The following PAX7 variants were observed in gnomAD, a reference collection of about 807,000 sequenced individuals.
The protein encoded by PAX7 is paired box 7.
Under a neutral mutation model 50.7 loss-of-function variants are expected in PAX7, and 18 were observed. The observed-to-expected ratio is 0.36, with a 90% CI of 0.25 to 0.53. The LOEUF (loss-of-function observed/expected upper bound fraction) is 0.53, where lower values mean the gene tolerates loss of function less well. Among genes scored for constraint, PAX7 ranks in the 20% least tolerant of loss-of-function variants. The pLI is 0.93. For synonymous variants in PAX7, 310 were observed against 290.4 expected, an observed-to-expected ratio of 1.07 and a Z score of -0.69; for missense variants, 644 against 702.9, an observed-to-expected ratio of 0.92 and a Z score of 0.95.
intron 7 of PAX7, among the ~76,000 whole-genome samples, chr1:18,704,580 A>G (rs1470956459): frequency 6.6e-6 from 1 of 152,138 alleles, no homozygotes; most frequent in Non-Finnish European, 1.5e-5. Flanking sequence ...AGATTGCACC[A>G]TTGCACTCCA....
At chr1:18,663,268 C>T (rs1418847380) in intron 4 of PAX7, among the ~76,000 whole-genome samples, 1 of 152,204 alleles carries the variant, frequency 6.6e-6, no homozygotes, top group Non-Finnish European at 1.5e-5. Flanking sequence ...AACTGAGGAG[C>T]CATTGCTGTC....
Position 18,634,369 on chromosome 1 carries a change from T to G in PAX7, c.152T>G (p.Leu51Arg). 6.2e-7 allele frequency: 1 copy of G among 1,614,096 alleles called. No individual in the cohort carries two copies. The highest frequency in any genetic ancestry group is 8.5e-7 in the Non-Finnish European group (1 of 1,180,036). The change falls in exon 2 of 9, where the codon CTG becomes CGG. Residue 51 changes from leucine (L) to arginine (R), a missense_variant. Physicochemically the swap from Leu to Arg is moderately radical, Grantham distance 102. Transcript: ENST00000420770. This position sits in a 1 kb window ranked among gnomAD's most constrained non-coding sequence, Gnocchi z 4.0. ...LGGVFINGRP[L>R]PNHIRHKIVE... The stretch of plus-strand genomic sequence containing the variant: ...GGGGTCTTCATCAATGGGCGACCCC[T>G]GCCTAACCACATCCGCCACAAGATA...
At chr1:18,740,955 G>A (rs1931097182) in intron 8 of PAX7, among the ~76,000 whole-genome samples, 1 of 152,196 alleles carries the variant, frequency 6.6e-6, no homozygotes. Context: ...ATCTCATGGA[G>A]GTAGAGAGTC....
At chr1:18,639,728 C>G (rs2088220517) in intron 4 of PAX7, among the ~76,000 whole-genome samples, 1 of 152,036 alleles carries the variant, frequency 6.6e-6, no homozygotes, top group Non-Finnish European at 1.5e-5. Context: ...TCAGTGGGAG[C>G]TGAGGGAGTG....
chr1:18,721,704 T>C lies in PAX7; in HGVS notation c.1156-13928T>C, dbSNP rs537197140. ...CCACTCATGGTGGTGGATGTGGGGATAAAAAGAACCATTTCTGCTCCGTCA... is the reference window on the plus strand; with the variant it reads ...CCACTCATGGTGGTGGATGTGGGGACAAAAAGAACCATTTCTGCTCCGTCA... On this transcript the variant is annotated intron_variant, in intron 7 of 8. Transcript: ENST00000420770. Among the ~76,000 whole-genome samples the C allele has an allele frequency of 2.0e-5, 3 of 152,272 alleles. No homozygotes were observed. In the South Asian group the frequency reaches 6.2e-4, roughly 32 times the overall value.
chr1:18,650,038 A>C (rs1387177755), intron 4 of PAX7, among the ~76,000 whole-genome samples: 2 of 152,090 alleles, frequency 1.3e-5, no homozygotes, highest in Non-Finnish European at 2.9e-5. Flanking sequence ...GCAGTGAAAA[A>C]ACAGCCTGTT....
intron 8 of PAX7, among the ~76,000 whole-genome samples, chr1:18,737,092 C>A (rs1181779190): frequency 6.6e-6 from 1 of 152,262 alleles, no homozygotes; most frequent in Non-Finnish European, 1.5e-5. Flanking sequence ...CTGGAAAACG[C>A]AGGCCTGGAC....
intron 4 of PAX7, among the ~76,000 whole-genome samples, chr1:18,665,066 G>A (rs550881034): frequency 5.9e-5 from 9 of 152,314 alleles, no homozygotes; most frequent in African/African-American, 1.9e-4. Context: ...GTGCAATATA[G>A]AGCTCCATTA....
intron 7 of PAX7, among the ~76,000 whole-genome samples, chr1:18,734,775 C>A (rs1442302777): frequency 6.6e-6 from 1 of 152,206 alleles, no homozygotes; most frequent in African/African-American, 2.4e-5. Context: ...GGGACCATGG[C>A]TCTTTCTCCT....
intron 7 of PAX7, among the ~76,000 whole-genome samples, chr1:18,706,989 A>G (rs1397352720): frequency 6.6e-6 from 1 of 152,194 alleles, no homozygotes; most frequent in African/African-American, 2.4e-5. Flanking sequence ...ACCACAGAAC[A>G]TCAAGGACTC....
intron 4 of PAX7, among the ~76,000 whole-genome samples, chr1:18,687,978 C>G (rs557881525): frequency 1.3e-5 from 2 of 152,238 alleles, no homozygotes; most frequent in African/African-American, 4.8e-5. Flanking sequence ...TTGCAGGACC[C>G]AGGGATCAGC....
At chr1:18,658,746 G>A (rs2088559386) in intron 4 of PAX7, among the ~76,000 whole-genome samples, 1 of 152,250 alleles carries the variant, frequency 6.6e-6, no homozygotes, top group Admixed American at 6.5e-5. Flanking sequence ...GCTGGTAGAA[G>A]CCTGACCCCA....
intron 8 of PAX7, among the ~76,000 whole-genome samples, chr1:18,742,684 C>A (rs558049347): frequency 6.0e-4 from 92 of 152,316 alleles, no homozygotes; most frequent in African/African-American, 2.1e-3. Flanking sequence ...GGAAGGCTGG[C>A]AGTCCCTGGG....
intron 5 of PAX7, among the ~76,000 whole-genome samples, chr1:18,699,249 A>G (rs904817635): frequency 6.6e-6 from 1 of 152,206 alleles, no homozygotes; most frequent in Non-Finnish European, 1.5e-5. Context: ...AAACAGATAT[A>G]TAGAATCATT....
intron 4 of PAX7, among the ~76,000 whole-genome samples, chr1:18,683,991 A>G (rs2088936137): frequency 6.6e-6 from 1 of 152,172 alleles, no homozygotes; most frequent in African/African-American, 2.4e-5. Flanking sequence ...GTGTTTTCAC[A>G]TGTGGGGGCC....
At chr1:18,674,492 G>A (rs1447840727) in intron 4 of PAX7, among the ~76,000 whole-genome samples, 3 of 152,330 alleles carry the variant, frequency 2.0e-5, no homozygotes, top group South Asian at 4.1e-4. Context: ...AGAGCCCGGA[G>A]CAGGCAGGGA....
chr1:18,709,355 G>A (rs971213007), intron 7 of PAX7, among the ~76,000 whole-genome samples: 1 of 152,156 alleles, frequency 6.6e-6, no homozygotes, highest in Non-Finnish European at 1.5e-5. Context: ...AGCTTAAAAC[G>A]AAGGAAGCCA....
chr1:18,653,499 G>A (rs2088466362), intron 4 of PAX7, among the ~76,000 whole-genome samples: 1 of 152,104 alleles, frequency 6.6e-6, no homozygotes, highest in Non-Finnish European at 1.5e-5. Flanking sequence ...CTGTGTTCCT[G>A]TGATATGGAA....
rs145198905 is a variant in PAX7 at position 18,645,898 on chromosome 1, A to G, written c.586+9527A>G. ...CTTGTAACCACAGCCCTAACTCAGG[A>G]AGCTGGTCTCTAAGCCACCTGGCAA... On this transcript the variant is annotated intron_variant, in intron 4 of 8. Coordinates refer to ENST00000420770, the MANE Select transcript of PAX7 (RefSeq NM_001135254.2). Among the ~76,000 whole-genome samples the G allele has an allele frequency of 2.2e-3, 330 of 152,290 alleles. 2 individuals are homozygous for G. Among genetic ancestry groups the G allele is most frequent in the African/African-American group, 7.7e-3 (319 of 41,562 alleles).
Sources: allele counts gnomAD v4.1 joint callset (sites outside exome capture counted in the v4.1 genomes callset), GRCh38; gene constraint gnomAD v4.1.1; non-coding constraint Gnocchi (gnomAD v3.1); transcripts MANE v1.5; gene names NCBI Gene and HGNC (gene_info 2026-07-23, HGNC 2026-07-21).